Variants in ACKR3 observed in about 807,000 individuals in gnomAD.
The protein encoded by ACKR3 is atypical chemokine receptor 3, also known as C-X-C chemokine receptor type 7.
Under a neutral mutation model 22.4 loss-of-function variants are expected in ACKR3, and 6 were observed. That is an observed-to-expected ratio of 0.27 (90% CI 0.15 to 0.53). ACKR3 has a LOEUF of 0.53. Among genes scored for constraint, ACKR3 ranks in the 20% least tolerant of loss-of-function variants. The pLI is 0.96. For missense variants in ACKR3, 396 were observed against 475.2 expected (o/e 0.83, Z 1.55); for synonymous variants, 209 against 205.2 (o/e 1.02, Z -0.16).
the ACKR3 span, among the ~76,000 whole-genome samples, chr2:236,546,813 C>T: frequency 6.6e-5 from 10 of 152,242 alleles, no homozygotes; most frequent in Non-Finnish European, 1.5e-4. The surrounding 1 kb of genome is among the most constrained non-coding windows in gnomAD (Gnocchi z 4.9). Flanking sequence ...GCAGGAGGCT[C>T]ACTTAGCCCA....
At chr2:236,543,615 A>G in the ACKR3 span, among the ~76,000 whole-genome samples, 1 of 152,066 alleles carries the variant, frequency 6.6e-6, no homozygotes, top group African/African-American at 2.4e-5. Flanking sequence ...CACCCTCCAG[A>G]GTGGGTGCCC....
At position 236,577,030 on chromosome 2, in the gene ACKR3, C is replaced by T. The variant is rs1053604803; in HGVS notation, c.-26-3410C>T. 4.6e-5 allele frequency among the ~76,000 whole-genome samples: 7 copies of T among 152,192 alleles called. No individual in the cohort carries two copies. The highest frequency in any genetic ancestry group is 1.9e-4 in the East Asian group (1 of 5,198). On this transcript the variant is annotated intron_variant, in intron 1 of 1. Coordinates refer to ENST00000272928, the MANE Select transcript of ACKR3 (RefSeq NM_020311.3). This position sits in a 1 kb window ranked among gnomAD's most constrained non-coding sequence, Gnocchi z 5.6. ...GGAAGGGAGAGGCCCGTCCAGGCCC[C>T]GAGAGGAAAGCAGGTGGTCAGGGTG...
Position 236,573,302 on chromosome 2 carries a change from G to C in ACKR3, c.-27+3378G>C, listed in dbSNP as rs572348792. Among the ~76,000 whole-genome samples the C allele has an allele frequency of 3.3e-5, 5 of 152,354 alleles. No individual in the cohort carries two copies. The East Asian group carries it at 9.6e-4, about 29-fold the overall frequency. The stretch of plus-strand genomic sequence containing the variant: ...GCTCAGCGTAAGCGGGGCTGGCCTG[G>C]TGGAAGAGGTGTTATCTGCTCAAGG... On this transcript the variant is annotated intron_variant, in intron 1 of 1. Coordinates refer to ENST00000272928, the MANE Select transcript of ACKR3 (RefSeq NM_020311.3).
At chr2:236,558,683 A>G in the ACKR3 span, among the ~76,000 whole-genome samples, 2 of 152,228 alleles carry the variant, frequency 1.3e-5, no homozygotes, top group African/African-American at 4.8e-5. Context: ...CAAATGGTTC[A>G]GGGAATAAAG....
chr2:236,569,383 A>C (rs1346960049), upstream of ACKR3, among the ~76,000 whole-genome samples: 2 of 152,226 alleles, frequency 1.3e-5, no homozygotes, highest in African/African-American at 2.4e-5. Context: ...TAGTAAATCA[A>C]CATCGAAGTT....
the ACKR3 span, among the ~76,000 whole-genome samples, chr2:236,548,540 G>A: frequency 6.6e-6 from 1 of 152,192 alleles, no homozygotes; most frequent in Non-Finnish European, 1.5e-5. The surrounding 1 kb of genome is among the most constrained non-coding windows in gnomAD (Gnocchi z 4.3). Context: ...CAGGGAGGGT[G>A]TGGCATCTTG....
intron 1 of ACKR3, among the ~76,000 whole-genome samples, chr2:236,570,265 T>G (rs1691279508): frequency 6.6e-6 from 1 of 152,226 alleles, no homozygotes; most frequent in Non-Finnish European, 1.5e-5. Context: ...ACACAGACTA[T>G]CCATTCTGCC....
In ACKR3 at chr2:236,580,884, T is replaced by C; in HGVS notation, c.419T>C (p.Val140Ala). The C allele has an allele frequency of 6.2e-7, 1 of 1,614,200 alleles. No homozygotes were observed. Among genetic ancestry groups the C allele is most frequent in the Admixed American group, 1.7e-5 (1 of 60,028 alleles). ...ATTTTCTTCCTCACGTGCATGAGCG[T>C]GGACCGCTACCTCTCCATCACCTAC... ...GSIFFLTCMSVDRYLSITYFT... is the reference protein window; with the variant it reads ...GSIFFLTCMSADRYLSITYFT... Residue 140 changes from valine (V) to alanine (A), a missense_variant, in exon 2 of 2, where the codon GTG becomes GCG. Transcript: ENST00000272928.
upstream of ACKR3, among the ~76,000 whole-genome samples, chr2:236,564,845 A>C (rs1470138515): frequency 2.0e-5 from 3 of 152,152 alleles, no homozygotes; most frequent in Non-Finnish European, 2.9e-5. Context: ...ACCCTTAGGC[A>C]GGTCACCTGG....
intron 1 of ACKR3, among the ~76,000 whole-genome samples, chr2:236,573,453 C>A (rs1245630234): frequency 6.6e-6 from 1 of 152,216 alleles, no homozygotes; most frequent in African/African-American, 2.4e-5. Context: ...CCCGGCCTGG[C>A]CTCAGTTTCC....
At chr2:236,547,433 T>C in the ACKR3 span, among the ~76,000 whole-genome samples, 2 of 152,198 alleles carry the variant, frequency 1.3e-5, no homozygotes, top group Non-Finnish European at 2.9e-5. Flanking sequence ...TCCACAAATA[T>C]ATGTATAAAG....
chr2:236,548,871 A>G, the ACKR3 span, among the ~76,000 whole-genome samples: 1 of 152,330 alleles, frequency 6.6e-6, no homozygotes, highest in Non-Finnish European at 1.5e-5. This position sits in a 1 kb window ranked among gnomAD's most constrained non-coding sequence, Gnocchi z 4.3. Context: ...AAGCTCGTGC[A>G]CATGCATCTA....
chr2:236,544,099 G>T, the ACKR3 span, among the ~76,000 whole-genome samples: 4 of 149,452 alleles, frequency 2.7e-5, no homozygotes, highest in East Asian at 6.0e-4. The surrounding 1 kb of genome is among the most constrained non-coding windows in gnomAD (Gnocchi z 5.0). Flanking sequence ...AAGTGATTCT[G>T]CTGCCTCAGC....
upstream of ACKR3, chr2:236,569,561 A>C (rs1691263232): frequency 6.6e-6 from 1 of 152,232 alleles, no homozygotes; most frequent in East Asian, 1.9e-4. Context: ...TCTTTGGCTG[A>C]CGTTTTCCCC....
In ACKR3 at chr2:236,580,518, G is replaced by A. The variant is rs1441113920; in HGVS notation, c.53G>A (p.Ser18Asn). Residue 18 changes from serine (S) to asparagine (N), a missense_variant, in exon 2 of 2, where the codon AGC (serine) becomes AAC (asparagine). Coordinates refer to ENST00000272928, the MANE Select transcript of ACKR3 (RefSeq NM_020311.3). ...GAGCCAGGGAACTTCTCGGACATCAGCTGGCCATGCAACAGCAGCGACTGC... is the reference window on the plus strand; with the variant it reads ...GAGCCAGGGAACTTCTCGGACATCAACTGGCCATGCAACAGCAGCGACTGC... ...YSEPGNFSDI[S>N]WPCNSSDCIV... The A allele has an allele frequency of 1.9e-6, 3 of 1,614,234 alleles. No homozygotes were observed. Among genetic ancestry groups the A allele is most frequent in the Non-Finnish European group, 2.5e-6 (3 of 1,180,028 alleles).
chr2:236,544,707 C>T, the ACKR3 span, among the ~76,000 whole-genome samples: 1 of 152,080 alleles, frequency 6.6e-6, no homozygotes, highest in Non-Finnish European at 1.5e-5. The surrounding 1 kb of genome is among the most constrained non-coding windows in gnomAD (Gnocchi z 5.0). Context: ...GTCTTGTAAC[C>T]GAGCTGAGGG....
the ACKR3 span, among the ~76,000 whole-genome samples, chr2:236,561,791 C>T: frequency 3.4e-4 from 52 of 152,286 alleles, no homozygotes; most frequent in South Asian, 4.4e-3. Flanking sequence ...TGCACCTGGC[C>T]GCATGACTGA....
chr2:236,539,254 G>GTGTC, the ACKR3 span, among the ~76,000 whole-genome samples: 1 of 143,080 alleles, frequency 7.0e-6, no homozygotes, highest in Non-Finnish European at 1.5e-5. Context: ...GTGTGTGTGT[G>GTGTC]TCTCTCTCTC....
chr2:236,545,692 T>C, the ACKR3 span, among the ~76,000 whole-genome samples: 1 of 152,222 alleles, frequency 6.6e-6, no homozygotes, highest in Non-Finnish European at 1.5e-5. The surrounding 1 kb of genome is among the most constrained non-coding windows in gnomAD (Gnocchi z 5.3). Flanking sequence ...GATTTCATGG[T>C]ATATGACACG....
Sources: gnomAD v4.1 joint callset for allele counts (sites outside exome capture counted in the v4.1 genomes callset) on GRCh38, gnomAD v4.1.1 for gene constraint, Gnocchi (gnomAD v3.1) non-coding constraint, MANE v1.5 for transcripts, NCBI Gene and HGNC (gene_info 2026-07-23, HGNC 2026-07-21) for gene names.